ZNF704: variants seen among roughly 807,000 people sequenced by gnomAD.
ZNF704 encodes the protein zinc finger protein 704.
In ZNF704, 10 loss-of-function variants were observed where a neutral mutation model predicts 44.7. The observed-to-expected ratio is 0.22, with a 90% confidence interval of 0.14 to 0.38. The LOEUF is 0.38. Among genes scored for constraint, ZNF704 ranks in the 10% least tolerant of loss-of-function variants. The pLI, the probability that ZNF704 is intolerant of heterozygous loss-of-function variation, is 1.00. For synonymous variants in ZNF704, 211 were observed against 207.6 expected (o/e 1.02, Z -0.14); for missense variants, 390 against 545.5 (o/e 0.71, Z 2.84).
At position 80,659,677 on chromosome 8, in the gene ZNF704, C is replaced by T. The variant is rs1223399438; in HGVS notation, c.940G>A (p.Val314Met). The T allele has an allele frequency of 5.6e-6, 9 of 1,613,816 alleles. No homozygotes were observed. The highest frequency in any genetic ancestry group is 7.6e-6 in the Non-Finnish European group (9 of 1,179,832). The change falls in exon 7 of 9, where the codon GTG becomes ATG. Residue 314 changes from valine (V) to methionine (M), a missense_variant. Physicochemically the swap from Val to Met is conservative, Grantham distance 21. Around this residue, in one of 3 missense-constraint regions of ZNF704, gnomAD observed 305 missense variants for 435.7 expected, o/e 0.70. Transcript: ENST00000327835. The stretch of plus-strand genomic sequence containing the variant: ...AACTTGGCCGATCCTGGAATGGTCA[C>T]AGGGGGTGTGGCCTGTCAAATAAAA... ...TDHAYQATPP[V>M]TIPGSAKFTP...
intron 2 of ZNF704, among the ~76,000 whole-genome samples, chr8:80,784,050 T>G (rs1217998405): frequency 6.6e-6 from 1 of 152,180 alleles, no homozygotes; most frequent in Admixed American, 6.5e-5. Flanking sequence ...TCTTTTCTTT[T>G]TTGCTGAGCA....
intron 2 of ZNF704, among the ~76,000 whole-genome samples, chr8:80,724,589 T>C (rs2131673761): frequency 6.6e-6 from 1 of 152,320 alleles, no homozygotes; most frequent in Middle Eastern, 3.4e-3. Flanking sequence ...TACTCCTGCC[T>C]GCCATTAATG....
chr8:80,810,079 G>T (rs113679453), intron 2 of ZNF704, among the ~76,000 whole-genome samples: 14 of 152,208 alleles, frequency 9.2e-5, no homozygotes, highest in African/African-American at 9.6e-5. Flanking sequence ...ACTTCTTTCA[G>T]ATTTCTACAT....
chr8:80,645,446 G>A (rs1052851788), intron 7 of ZNF704, among the ~76,000 whole-genome samples: 2 of 152,152 alleles, frequency 1.3e-5, no homozygotes, highest in Non-Finnish European at 2.9e-5. Flanking sequence ...CAGTTCGGAT[G>A]TGTGTCTCTG....
intron 1 of ZNF704, among the ~76,000 whole-genome samples, chr8:80,834,942 A>G (rs113033765): frequency 6.6e-6 from 1 of 152,146 alleles, no homozygotes; most frequent in African/African-American, 2.4e-5. Context: ...ATTGATGGAC[A>G]TTTGGGTTGG....
intron 2 of ZNF704, among the ~76,000 whole-genome samples, chr8:80,750,479 T>C (rs1489781930): frequency 1.3e-5 from 2 of 152,170 alleles, no homozygotes; most frequent in Admixed American, 6.5e-5. Flanking sequence ...CTTTTCCTCA[T>C]ACAACTCTTC....
intron 2 of ZNF704, among the ~76,000 whole-genome samples, chr8:80,806,171 A>G (rs1203221098): frequency 6.6e-6 from 1 of 152,230 alleles, no homozygotes; most frequent in East Asian, 1.9e-4. Context: ...AAAATGTGGT[A>G]AAGTTTGAAA....
intron 1 of ZNF704, among the ~76,000 whole-genome samples, chr8:80,852,711 T>C (rs1808886316): frequency 6.6e-6 from 1 of 152,216 alleles, no homozygotes; most frequent in South Asian, 2.1e-4. Flanking sequence ...TCCCAAGTTT[T>C]CATTTGTTGT....
chr8:80,648,622 G>C (rs967743864), intron 7 of ZNF704, among the ~76,000 whole-genome samples: 1 of 152,170 alleles, frequency 6.6e-6, no homozygotes, highest in Non-Finnish European at 1.5e-5. Context: ...GAGAAATTTA[G>C]GCTTTGAGCA....
intron 2 of ZNF704, among the ~76,000 whole-genome samples, chr8:80,706,978 T>G (rs1272032951): frequency 1.3e-5 from 2 of 152,182 alleles, no homozygotes; most frequent in Admixed American, 6.5e-5. Flanking sequence ...GAAAAAAAAT[T>G]GTCATCTTTT....
intron 2 of ZNF704, among the ~76,000 whole-genome samples, chr8:80,756,171 C>T (rs766988279): frequency 8.6e-5 from 13 of 152,032 alleles, no homozygotes; most frequent in East Asian, 3.9e-4. Context: ...GAACACATGT[C>T]GCTGCACCAG....
chr8:80,680,363 ATT>A (rs61050547), intron 4 of ZNF704, among the ~76,000 whole-genome samples: 12 of 142,258 alleles, frequency 8.4e-5, no homozygotes, highest in African/African-American at 2.3e-4. Flanking sequence ...ATCTTCAGGT[ATT>A]TTTTTTTTTT....
intron 2 of ZNF704, among the ~76,000 whole-genome samples, chr8:80,723,260 T>C (rs1431303060): frequency 1.3e-5 from 2 of 152,266 alleles, no homozygotes; most frequent in Non-Finnish European, 2.9e-5. Context: ...ACAATTTTAT[T>C]TTTTGTATTC....
chr8:80,878,106 G>A (rs1446502420), upstream of ZNF704, among the ~76,000 whole-genome samples: 7 of 152,222 alleles, frequency 4.6e-5, no homozygotes, highest in East Asian at 1.2e-3. Context: ...AGTAGGCTTT[G>A]GAGTGAGCAT....
chr8:80,807,460 G>C (rs1163337118), intron 2 of ZNF704, among the ~76,000 whole-genome samples: 1 of 151,990 alleles, frequency 6.6e-6, no homozygotes. Context: ...GAATTCTTTA[G>C]AACATAAGCC....
intron 2 of ZNF704, among the ~76,000 whole-genome samples, chr8:80,797,205 G>A (rs1456284257): frequency 1.3e-5 from 2 of 152,156 alleles, no homozygotes; most frequent in African/African-American, 2.4e-5. Flanking sequence ...GCATTCCTGG[G>A]TTCAGCCCAT....
chr8:80,754,236 G>A (rs987787638), intron 2 of ZNF704, among the ~76,000 whole-genome samples: 6 of 151,820 alleles, frequency 4.0e-5, no homozygotes, highest in African/African-American at 9.7e-5. Flanking sequence ...GAATACTAAC[G>A]GGACAGCCAG....
intron 1 of ZNF704, among the ~76,000 whole-genome samples, chr8:80,871,816 A>C (rs1272380143): frequency 6.6e-6 from 1 of 152,246 alleles, no homozygotes; most frequent in African/African-American, 2.4e-5. Context: ...AATTTAAAAG[A>C]TAAACCTCAA....
intron 1 of ZNF704, among the ~76,000 whole-genome samples, chr8:80,855,603 C>T (rs1207460271): frequency 2.6e-5 from 4 of 151,986 alleles, no homozygotes; most frequent in Non-Finnish European, 4.4e-5. Context: ...GAATGATACA[C>T]AACAGTAACA....
Sources: allele counts gnomAD v4.1 joint callset (sites outside exome capture counted in the v4.1 genomes callset), GRCh38; gene constraint gnomAD v4.1.1; regional missense constraint gnomAD v4.1.1; transcripts MANE v1.5; gene names NCBI Gene and HGNC (gene_info 2026-07-23, HGNC 2026-07-21).